The following CPPED1 variants were observed in gnomAD, a reference collection of about 807,000 sequenced individuals.
CPPED1 encodes serine/threonine-protein phosphatase CPPED1.
In CPPED1, 28 loss-of-function variants were observed where a neutral mutation model predicts 28.0. The ratio of observed to expected loss-of-function variants is 1.00; its 90% confidence interval spans 0.74 to 1.37. The LOEUF (loss-of-function observed/expected upper bound fraction) is 1.37, where lower values mean the gene tolerates loss of function less well. CPPED1 is among the 40% of genes most tolerant of loss of function. The pLI is 0.00. For missense variants in CPPED1, 504 were observed against 416.5 expected, an observed-to-expected ratio of 1.21 and a Z score of -1.83; for synonymous variants, 198 against 180.2, an observed-to-expected ratio of 1.10 and a Z score of -0.79.
chr16:12,782,855 A>T (rs1475893369), intron 1 of CPPED1, among the ~76,000 whole-genome samples: 1 of 152,058 alleles, frequency 6.6e-6, no homozygotes, highest in African/African-American at 2.4e-5. Flanking sequence ...TGGGTGACAG[A>T]ATGAGACTCT....
intron 2 of CPPED1, among the ~76,000 whole-genome samples, chr16:12,771,019 A>G (rs934821593): frequency 6.6e-6 from 1 of 152,214 alleles, no homozygotes; most frequent in Non-Finnish European, 1.5e-5. Flanking sequence ...TTAAATTTAC[A>G]AGGAGAATGT....
At chr16:12,668,883 G>C (rs1349221902) in intron 3 of CPPED1, among the ~76,000 whole-genome samples, 1 of 152,242 alleles carries the variant, frequency 6.6e-6, no homozygotes, top group Non-Finnish European at 1.5e-5. Flanking sequence ...GTGCTGGTGG[G>C]AAAGTAAAAT....
intron 1 of CPPED1, among the ~76,000 whole-genome samples, chr16:12,797,434 G>A (rs770983929): frequency 2.4e-4 from 36 of 152,206 alleles, no homozygotes; most frequent in Non-Finnish European, 4.9e-4. Context: ...TCTGTTCCTA[G>A]CTACTCAGGA....
intron 2 of CPPED1, among the ~76,000 whole-genome samples, chr16:12,716,434 G>A (rs916135602): frequency 3.3e-5 from 5 of 152,202 alleles, no homozygotes; most frequent in African/African-American, 9.6e-5. Flanking sequence ...AAGTCCCTTC[G>A]CTGGAAGGAA....
chr16:12,706,576 A>C (rs532180272), intron 2 of CPPED1, among the ~76,000 whole-genome samples: 6 of 122,560 alleles, frequency 4.9e-5, no homozygotes, highest in South Asian at 2.6e-4. Context: ...AAAAAAAAAA[A>C]CTCAAAGATT....
chr16:12,674,435 A>G (rs1032787695), intron 3 of CPPED1, among the ~76,000 whole-genome samples: 3 of 152,192 alleles, frequency 2.0e-5, no homozygotes, highest in Non-Finnish European at 4.4e-5. Context: ...GTGAGTTTCC[A>G]GACGTGGGGG....
chr16:12,783,092 C>T (rs1286475910), intron 1 of CPPED1, among the ~76,000 whole-genome samples: 1 of 152,108 alleles, frequency 6.6e-6, no homozygotes, highest in East Asian at 1.9e-4. Flanking sequence ...ACAGATGAGT[C>T]CCTGCTGTCC....
At chr16:12,792,414 C>T (rs1211943850) in intron 1 of CPPED1, among the ~76,000 whole-genome samples, 1 of 152,138 alleles carries the variant, frequency 6.6e-6, no homozygotes, top group African/African-American at 2.4e-5. Context: ...GGAGATGCTG[C>T]TAAACATCTC....
chr16:12,708,062 G>A (rs191499067), intron 2 of CPPED1, among the ~76,000 whole-genome samples: 7 of 152,120 alleles, frequency 4.6e-5, no homozygotes, highest in Non-Finnish European at 7.4e-5. Flanking sequence ...CAGGAGAATC[G>A]CTTGAACCCG....
At chr16:12,755,396 C>T (rs928453996) in intron 2 of CPPED1, among the ~76,000 whole-genome samples, 1 of 151,758 alleles carries the variant, frequency 6.6e-6, no homozygotes, top group African/African-American at 2.4e-5. Context: ...ATCCTCCTAC[C>T]TCAGCCTCCT....
intron 3 of CPPED1, among the ~76,000 whole-genome samples, chr16:12,700,610 T>G (rs2080015371): frequency 6.6e-6 from 1 of 152,234 alleles, no homozygotes; most frequent in African/African-American, 2.4e-5. Context: ...CAGGCTGGTC[T>G]TGAACTCCTG....
intron 2 of CPPED1, among the ~76,000 whole-genome samples, chr16:12,742,498 A>C (rs1273142583): frequency 6.6e-6 from 1 of 152,232 alleles, no homozygotes; most frequent in African/African-American, 2.4e-5. Context: ...CATAAAATCT[A>C]TCTGCTCAAA....
chr16:12,791,633 GAGA>G (rs1411284188), intron 1 of CPPED1, among the ~76,000 whole-genome samples: 2 of 152,144 alleles, frequency 1.3e-5, no homozygotes, highest in Non-Finnish European at 2.9e-5. Flanking sequence ...TCCCACCTGG[GAGA>G]AGGAGGCTGG....
chr16:12,675,265 G>C (rs1196406420), intron 3 of CPPED1, among the ~76,000 whole-genome samples: 1 of 152,154 alleles, frequency 6.6e-6, no homozygotes, highest in African/African-American at 2.4e-5. Flanking sequence ...TGCCTCTATG[G>C]TTCCTTAATT....
At chr16:12,784,984 A>G (rs1400111310) in intron 1 of CPPED1, among the ~76,000 whole-genome samples, 1 of 152,230 alleles carries the variant, frequency 6.6e-6, no homozygotes, top group African/African-American at 2.4e-5. Flanking sequence ...GACAGCTCAC[A>G]TATCAGTATT....
intron 1 of CPPED1, among the ~76,000 whole-genome samples, chr16:12,783,977 G>A (rs1316949823): frequency 6.6e-6 from 1 of 152,126 alleles, no homozygotes; most frequent in Non-Finnish European, 1.5e-5. Context: ...AAGACTCTAA[G>A]ATGCCCCCCA....
intron 2 of CPPED1, among the ~76,000 whole-genome samples, chr16:12,761,907 C>T (rs538305926): frequency 5.3e-5 from 8 of 151,846 alleles, no homozygotes; most frequent in African/African-American, 1.2e-4. Context: ...GCTACTCACT[C>T]GGGAGGCTGA....
At chr16:12,731,777 T>A (rs1194439280) in intron 2 of CPPED1, among the ~76,000 whole-genome samples, 3 of 150,228 alleles carry the variant, frequency 2.0e-5, no homozygotes, top group African/African-American at 7.3e-5. Flanking sequence ...CAAGGACCAT[T>A]AGATGTATGA....
chr16:12,764,232 T>A (rs111601150), intron 2 of CPPED1, among the ~76,000 whole-genome samples: 13,014 of 151,738 alleles, frequency 0.086, 657 homozygotes, highest in Non-Finnish European at 0.11. Context: ...GAGACAGAGT[T>A]TCGCTCTGTC....
Sources: allele counts gnomAD v4.1 joint callset (sites outside exome capture counted in the v4.1 genomes callset), GRCh38; gene constraint gnomAD v4.1.1; transcripts MANE v1.5; gene names NCBI Gene and HGNC (gene_info 2026-07-23, HGNC 2026-07-21).